Variants in POGZ observed in about 807,000 individuals in gnomAD.
The protein encoded by POGZ is pogo transposable element derived with ZNF domain.
POGZ carries 17 observed loss-of-function variants against 134.6 expected under a neutral mutation model. The observed-to-expected ratio is 0.13, with a 90% CI of 0.09 to 0.19. The LOEUF is 0.19. Ranked by LOEUF, POGZ falls within the 10% of genes least tolerant of loss-of-function variation. The pLI, the probability that POGZ is intolerant of heterozygous loss-of-function variation, is 1.00. For synonymous variants in POGZ, 693 were observed against 657.1 expected, an observed-to-expected ratio of 1.05 and a Z score of -0.84; for missense variants, 1,306 against 1,769.7, an observed-to-expected ratio of 0.74 and a Z score of 4.70.
chr1:151,427,713 G>C, intron 7 of POGZ, 110 bp downstream of exon 7: 2 of 760,602 alleles, frequency 2.6e-6, no homozygotes, highest in Non-Finnish European at 4.3e-6. Context: ...AACTACAGCA[G>C]CTGTATTTTA....
intron 1 of POGZ, chr1:151,451,091 A>C (rs71515782): frequency 0.085 from 12,936 of 151,790 alleles, 705 homozygotes; most frequent in Middle Eastern, 0.13. Context: ...GTGTGGTGGC[A>C]CACGCCTGTA....
In POGZ at chr1:151,406,200, C is replaced by T; in HGVS notation, c.2835G>A (p.Gln945=). The change falls in exon 19 of 19, where the codon CAG becomes CAA. Residue 945 remains glutamine (Q), a synonymous_variant. Transcript: ENST00000271715. ...CTTGGGTGACTGGGCTCCCTTCATC[C>T]TGATCATCAACATTCAGACATTCGG... ...EGAECLNVDD[Q]DEGSPVTQEP... The T allele has an allele frequency of 6.2e-7, 1 of 1,614,214 alleles. No homozygotes were observed. Among genetic ancestry groups the T allele is most frequent in the Admixed American group, 1.7e-5 (1 of 60,022 alleles).
Position 151,440,885 on chromosome 1 carries a change from C to A in POGZ, c.283+43G>T, listed in dbSNP as rs370322196. ...CCCTGAGACCTTTTTTATTCTTTCA[C>A]CCCTCTAGCCCAGGATTATTATTTC... On this transcript the variant is annotated intron_variant, in intron 3 of 18. Coordinates refer to ENST00000271715, the MANE Select transcript of POGZ (RefSeq NM_015100.4). 12 of 1,559,214 alleles carry A rather than the reference C, an allele frequency of 7.7e-6. No individual in the cohort carries two copies. The East Asian group carries it at 9.0e-5, about 12-fold the overall frequency.
At chr1:151,427,466 A>G (rs963463153) in intron 7 of POGZ, 6 of 266,064 alleles carry the variant, frequency 2.3e-5, no homozygotes, top group Non-Finnish European at 3.7e-5. Flanking sequence ...GCTCTAGACC[A>G]CTGAAAACCC....
chr1:151,442,208 A>G lies in POGZ; in HGVS notation c.-1-3T>C, dbSNP rs114379592. 8.8e-4 allele frequency: 1,418 copies of G among 1,610,042 alleles called. 14 individuals carry two copies. In the African/African-American group the frequency reaches 0.017, roughly 19 times the overall value. ...TGAACAGGTCGGTGTCCGCCATGCT[A>G]TAAGAAAAACATTCAAATAAGATAT... On this transcript the variant is annotated splice_polypyrimidine_tract_variant and splice_region_variant and intron_variant, in intron 1 of 18. Transcript: ENST00000271715.
intron 1 of POGZ, among the ~76,000 whole-genome samples, chr1:151,444,873 T>C (rs1178380716): frequency 6.6e-6 from 1 of 152,036 alleles, no homozygotes; most frequent in Non-Finnish European, 1.5e-5. Flanking sequence ...TTTTAAAAAT[T>C]AGCCAGGCGT....
chr1:151,437,514 A>G lies in POGZ; in HGVS notation c.283+3414T>C, dbSNP rs147982575. ...TGCCTGTAATCCCAGAACGTTGAGAAGCCGTGGTGGGTGGATCACTTGAGG... is the reference window on the plus strand; with the variant it reads ...TGCCTGTAATCCCAGAACGTTGAGAGGCCGTGGTGGGTGGATCACTTGAGG... On this transcript the variant is annotated intron_variant, in intron 3 of 18. Coordinates refer to ENST00000271715, the MANE Select transcript of POGZ (RefSeq NM_015100.4). 3.8e-4 allele frequency among the ~76,000 whole-genome samples: 58 copies of G among 152,120 alleles called. 2 individuals carry two copies. The East Asian group carries it at 0.011, about 29-fold the overall frequency.
chr1:151,437,905 A>G (rs1479903737), intron 3 of POGZ, among the ~76,000 whole-genome samples: 1 of 151,892 alleles, frequency 6.6e-6, no homozygotes, highest in Non-Finnish European at 1.5e-5. Context: ...TTAAAGTTGG[A>G]CTAGCATTTC....
At chr1:151,426,999 A>T (rs1327013821) in intron 7 of POGZ, 1 of 152,006 alleles carries the variant, frequency 6.6e-6, no homozygotes, top group Non-Finnish European at 1.5e-5. Flanking sequence ...TCTGGGTTCA[A>T]GCCCAAGCCA....
In POGZ at chr1:151,424,104, G is replaced by A. The variant is rs770810584; in HGVS notation, c.1368C>T (p.Asn456=). ...GTTTGGTCTGGACGGCATCGCCCACGTTCTCATTTGGTTCTGGTACTTTGG... is the reference window on the plus strand; with the variant it reads ...GTTTGGTCTGGACGGCATCGCCCACATTCTCATTTGGTTCTGGTACTTTGG... ...PPTKVPEPNE[N]VGDAVQTKLI... Residue 456 remains asparagine (N), a synonymous_variant, in exon 9 of 19, where the codon AAC becomes AAT. Transcript: ENST00000271715. 2.4e-5 allele frequency: 38 copies of A among 1,614,026 alleles called. No homozygotes were observed. Among genetic ancestry groups the A allele is most frequent in the Non-Finnish European group, 2.9e-5 (34 of 1,180,018 alleles).
chr1:151,455,918 T>TTA (rs957916473), intron 1 of POGZ, among the ~76,000 whole-genome samples: 7 of 149,696 alleles, frequency 4.7e-5, no homozygotes, highest in African/African-American at 1.7e-4. Flanking sequence ...TTTTTTTTTT[T>TTA]AATAAATAGA....
intron 1 of POGZ, among the ~76,000 whole-genome samples, chr1:151,443,702 G>A (rs545367496): frequency 6.6e-6 from 1 of 152,088 alleles, no homozygotes; most frequent in Admixed American, 6.6e-5. Context: ...CAACAACAGC[G>A]AAAGTCCATC....
intron 2 of POGZ, 94 bp from the exon 3 acceptor site, chr1:151,441,180 C>G: frequency 1.0e-6 from 1 of 1,001,816 alleles, no homozygotes; most frequent in Non-Finnish European, 1.4e-6. Context: ...TATTGTGGGT[C>G]TCTATAGCCA....
chr1:151,444,493 C>G (rs143794688), intron 1 of POGZ, among the ~76,000 whole-genome samples: 13 of 152,220 alleles, frequency 8.5e-5, no homozygotes, highest in African/African-American at 2.9e-4. Flanking sequence ...CGCAAATATC[C>G]AACACCCAGC....
At chr1:151,433,221 C>T (rs1018156646) in intron 3 of POGZ, among the ~76,000 whole-genome samples, 2 of 152,106 alleles carry the variant, frequency 1.3e-5, no homozygotes, top group South Asian at 4.1e-4. Flanking sequence ...CCATGAAACC[C>T]GTAAATACCA....
chr1:151,425,733 C>T (rs1451008978), intron 7 of POGZ, among the ~76,000 whole-genome samples: 1 of 152,124 alleles, frequency 6.6e-6, no homozygotes, highest in Non-Finnish European at 1.5e-5. Context: ...ATGTGAATAC[C>T]ACATTTTATT....
chr1:151,431,179 CA>C (rs757559300), intron 3 of POGZ, among the ~76,000 whole-genome samples: 8 of 152,004 alleles, frequency 5.3e-5, no homozygotes, highest in Non-Finnish European at 1.0e-4. Context: ...AAGTTTCACC[CA>C]AATCTACAAC....
rs1462565571 is a variant in POGZ at position 151,428,440 on chromosome 1, T to C, written c.569-27A>G. ...TTTAAAAGAGAGACAAAGTACCAGATCTTGGTCAGTGAGCTCACCTATAAC... is the reference window on the plus strand; with the variant it reads ...TTTAAAAGAGAGACAAAGTACCAGACCTTGGTCAGTGAGCTCACCTATAAC... On this transcript the variant is annotated intron_variant, in intron 5 of 18. Coordinates refer to ENST00000271715, the MANE Select transcript of POGZ (RefSeq NM_015100.4). 1.9e-6 allele frequency: 3 copies of C among 1,606,196 alleles called. No homozygotes were observed. The African/African-American group carries it at 4.0e-5, about 21-fold the overall frequency.
rs1653120530 is a variant in POGZ, at chr1:151,403,836, T to TGG, written c.*965_*966insCC. ...CAGGCATGCTCTCCATCTAACAGGA[T>TGG]GAAGTTCAGTAAAGCAGGGACTGCC... On this transcript the variant is annotated 3_prime_UTR_variant, in exon 19 of 19. Transcript: ENST00000271715. The TGG allele has an allele frequency of 4.1e-6, 4 of 985,478 alleles. No individual in the cohort carries two copies. Among genetic ancestry groups the TGG allele is most frequent in the Non-Finnish European group, 3.6e-6 (3 of 829,930 alleles). The allele number at this position is 985,478 out of a possible 1,614,324, so 61.0% of individuals were successfully genotyped here.
Sources: gnomAD v4.1 joint callset for allele counts (sites outside exome capture counted in the v4.1 genomes callset) on GRCh38, gnomAD v4.1.1 for gene constraint, MANE v1.5 for transcripts, NCBI Gene and HGNC (gene_info 2026-07-23, HGNC 2026-07-21) for gene names.